The following STK3 variants were observed in gnomAD, a reference collection of about 807,000 sequenced individuals.
STK3 encodes the protein serine/threonine-protein kinase 3.
A neutral mutation model predicts 58.0 loss-of-function variants in STK3; 41 were observed. The observed-to-expected ratio is 0.71, with a 90% CI of 0.55 to 0.92. The LOEUF is 0.92. STK3 is among the 40% of genes least tolerant of loss of function. The pLI is 0.00. For synonymous variants in STK3, 170 were observed against 191.0 expected (o/e 0.89, Z 0.91); for missense variants, 479 against 602.7 (o/e 0.79, Z 2.15).
intron 10 of STK3, among the ~76,000 whole-genome samples, chr8:98,517,411 T>C (rs1390680557): frequency 6.6e-6 from 1 of 152,026 alleles, no homozygotes; most frequent in Non-Finnish European, 1.5e-5. Flanking sequence ...ACCAACCTAA[T>C]GGCAGGAAGG....
chr8:98,379,123 G>C (rs1380015509), intron 2 of STK3: 1 of 152,082 alleles, frequency 6.6e-6, no homozygotes, highest in African/African-American at 2.4e-5. Flanking sequence ...AGCATGGTTT[G>C]GGTAAGCCAA....
intron 10 of STK3, among the ~76,000 whole-genome samples, chr8:98,497,315 T>C (rs557727133): frequency 3.5e-4 from 54 of 152,252 alleles, no homozygotes; most frequent in African/African-American, 1.3e-3. Context: ...ATCAAAGACC[T>C]ATATGTAACA....
intron 6 of STK3, among the ~76,000 whole-genome samples, chr8:98,658,542 ATAC>A (rs995719346): frequency 2.0e-5 from 3 of 151,944 alleles, no homozygotes; most frequent in Non-Finnish European, 4.4e-5. Flanking sequence ...TCTCTTCTCA[ATAC>A]TACTACTTTT....
intron 1 of STK3, among the ~76,000 whole-genome samples, chr8:98,806,845 G>C (rs532499440): frequency 8.3e-4 from 126 of 152,220 alleles, no homozygotes; most frequent in Non-Finnish European, 1.3e-3. Flanking sequence ...GTAAAGATTA[G>C]GTGGGCTGAA....
At chr8:98,650,333 A>G (rs1306266477) in intron 6 of STK3, among the ~76,000 whole-genome samples, 1 of 152,268 alleles carries the variant, frequency 6.6e-6, no homozygotes, top group Admixed American at 6.5e-5. Flanking sequence ...TAAAATGTTT[A>G]CTTTTGAAGA....
chr8:98,622,269 CAAAAAAAA>C (rs879631103), intron 6 of STK3, among the ~76,000 whole-genome samples: 49 of 136,282 alleles, frequency 3.6e-4, no homozygotes, highest in African/African-American at 1.3e-3. Flanking sequence ...ACTCCATCTC[CAAAAAAAA>C]AAAAATTGGA....
chr8:98,363,403 A>G, the STK3 span, among the ~76,000 whole-genome samples: 2 of 152,202 alleles, frequency 1.3e-5, no homozygotes, highest in East Asian at 1.9e-4. Context: ...TGGAGTAGAA[A>G]GAGCAATGGA....
At chr8:98,548,570 A>C (rs1810908276) in intron 8 of STK3, among the ~76,000 whole-genome samples, 1 of 152,188 alleles carries the variant, frequency 6.6e-6, no homozygotes. Flanking sequence ...AACAGCCATT[A>C]GCTTTTTCTT....
At chr8:98,515,223 T>G (rs1005551554) in intron 10 of STK3, among the ~76,000 whole-genome samples, 1 of 152,100 alleles carries the variant, frequency 6.6e-6, no homozygotes, top group African/African-American at 2.4e-5. Flanking sequence ...AGTTTTCCCC[T>G]CATAAAAATT....
chr8:98,837,708 C>T (rs982820384), intron 3 of STK3, among the ~76,000 whole-genome samples: 1 of 151,846 alleles, frequency 6.6e-6, no homozygotes, highest in Non-Finnish European at 1.5e-5. Flanking sequence ...CGGGAGGATC[C>T]CTTGAGGCCA....
chr8:98,356,576 A>C, the STK3 span, among the ~76,000 whole-genome samples: 10 of 152,360 alleles, frequency 6.6e-5, no homozygotes, highest in Admixed American at 3.9e-4. Flanking sequence ...GCTCCAGTAC[A>C]TGCAGATCCC....
intron 4 of STK3, among the ~76,000 whole-genome samples, chr8:98,712,727 A>G (rs970894960): frequency 2.0e-5 from 3 of 152,170 alleles, no homozygotes; most frequent in Non-Finnish European, 4.4e-5. Flanking sequence ...CAGATCAACA[A>G]GACAGAAAGT....
At chr8:98,784,880 C>A (rs1338113704) in intron 1 of STK3, among the ~76,000 whole-genome samples, 1 of 152,100 alleles carries the variant, frequency 6.6e-6, no homozygotes, top group East Asian at 1.9e-4. Flanking sequence ...GCATTCAGAG[C>A]ATCTGCTCAC....
chr8:98,560,285 T>G (rs1029192281), intron 8 of STK3, among the ~76,000 whole-genome samples: 1 of 152,148 alleles, frequency 6.6e-6, no homozygotes, highest in African/African-American at 2.4e-5. Flanking sequence ...TATTTGCAGA[T>G]GACATCATTG....
Position 98,681,476 on chromosome 8 carries a change from G to A in STK3, c.684+24991C>T, listed in dbSNP as rs917766757. ...ATATAAATTTTTTAATAATGTTTAA[G>A]TGTTAAAGCCTATCTGGTGGTCCTG... On this transcript the variant is annotated intron_variant, in intron 6 of 10. Coordinates refer to ENST00000419617, the MANE Select transcript of STK3 (RefSeq NM_006281.4). 2.0e-5 allele frequency among the ~76,000 whole-genome samples: 3 copies of A among 152,146 alleles called. No homozygotes were observed. In the South Asian group the frequency reaches 6.2e-4, roughly 32 times the overall value.
At chr8:98,354,801 G>A in the STK3 span, among the ~76,000 whole-genome samples, 2 of 152,050 alleles carry the variant, frequency 1.3e-5, no homozygotes, top group Non-Finnish European at 2.9e-5. Flanking sequence ...TTTTTGAGAC[G>A]AAGTCTGGCT....
At chr8:98,473,360 C>G (rs909760707) in intron 10 of STK3, among the ~76,000 whole-genome samples, 1 of 152,158 alleles carries the variant, frequency 6.6e-6, no homozygotes, top group South Asian at 2.1e-4. Context: ...TCTTCAAACT[C>G]TCTTTGTCTT....
chr8:98,699,378 C>T (rs1161113127), intron 6 of STK3, among the ~76,000 whole-genome samples: 11 of 152,188 alleles, frequency 7.2e-5, no homozygotes, highest in African/African-American at 1.4e-4. Context: ...AGTCATTCTC[C>T]GTCCAGCTTT....
chr8:98,904,799 C>T, intron 1 of STK3: 1 of 664,366 alleles, frequency 1.5e-6, no homozygotes, highest in South Asian at 1.4e-5. Context: ...GAGCGGCAGC[C>T]ATAGTAGCTG....
Sources: allele counts gnomAD v4.1 joint callset (sites outside exome capture counted in the v4.1 genomes callset), GRCh38; gene constraint gnomAD v4.1.1; transcripts MANE v1.5; gene names NCBI Gene and HGNC (gene_info 2026-07-23, HGNC 2026-07-21).